The following PARD3 variants were observed in gnomAD, a reference collection of about 807,000 sequenced individuals.
PARD3 encodes partitioning defective 3 homolog.
A neutral mutation model predicts 155.4 loss-of-function variants in PARD3; 75 were observed. That is an observed-to-expected ratio of 0.48 (90% CI 0.40 to 0.58). The LOEUF (loss-of-function observed/expected upper bound fraction) is 0.58, where lower values mean the gene tolerates loss of function less well. Among genes scored for constraint, PARD3 ranks in the 20% least tolerant of loss-of-function variants. The probability of loss-of-function intolerance (pLI) is 0.00; values close to 1 mark genes in which losing one functional copy is unlikely to be tolerated. For missense variants in PARD3, 1,642 were observed against 1,721.7 expected (o/e 0.95, Z 0.82); for synonymous variants, 576 against 610.5 (o/e 0.94, Z 0.83).
In PARD3 at chr10:34,297,587, C is replaced by T. The variant is rs576909709; in HGVS notation, c.3066-13342G>A. Among the ~76,000 whole-genome samples, 4 of 152,280 alleles carry T rather than the reference C, an allele frequency of 2.6e-5. No individual in the cohort carries two copies. In the East Asian group the frequency reaches 7.7e-4, roughly 29 times the overall value. Reference sequence around the variant, plus strand: ...CTCTAGTCTACCTCAGTTTGGAAGCCCACGACCATTTCAGTGGTAGCATTT... The same window carrying T: ...CTCTAGTCTACCTCAGTTTGGAAGCTCACGACCATTTCAGTGGTAGCATTT... On this transcript the variant is annotated intron_variant, in intron 20 of 24. Coordinates refer to ENST00000374788, the MANE Select transcript of PARD3 (RefSeq NM_001184785.2).
At position 34,301,156 on chromosome 10, in the gene PARD3, A is replaced by G. The variant is rs553757139; in HGVS notation, c.3065+15951T>C. On this transcript the variant is annotated intron_variant, in intron 20 of 24. Transcript: ENST00000374788. ...AAAACAGGGATATGCGATGTTCTCAACTTGAACAAGCATTAGCATCAGAGA... is the reference window on the plus strand; with the variant it reads ...AAAACAGGGATATGCGATGTTCTCAGCTTGAACAAGCATTAGCATCAGAGA... Among the ~76,000 whole-genome samples the G allele has an allele frequency of 3.3e-5, 5 of 152,294 alleles. No homozygotes were observed. In the East Asian group the frequency reaches 9.7e-4, roughly 29 times the overall value.
intron 2 of PARD3, among the ~76,000 whole-genome samples, chr10:34,591,716 G>C (rs2088704525): frequency 6.6e-6 from 1 of 152,164 alleles, no homozygotes; most frequent in African/African-American, 2.4e-5. Context: ...GAAGTCGCTG[G>C]TCTCAAGGAG....
chr10:34,205,208 T>C (rs1951413262), intron 22 of PARD3, among the ~76,000 whole-genome samples: 1 of 152,228 alleles, frequency 6.6e-6, no homozygotes, highest in African/African-American at 2.4e-5. Context: ...AGACATCTGA[T>C]GCTGAGGTCA....
intron 2 of PARD3, among the ~76,000 whole-genome samples, chr10:34,549,075 T>C (rs2084333806): frequency 6.6e-6 from 1 of 152,218 alleles, no homozygotes; most frequent in African/African-American, 2.4e-5. Flanking sequence ...TTGTAGCCGA[T>C]ATTTTCGCAA....
At chr10:34,517,748 A>G (rs2081879910) in intron 2 of PARD3, among the ~76,000 whole-genome samples, 2 of 152,164 alleles carry the variant, frequency 1.3e-5, no homozygotes, top group African/African-American at 4.8e-5. Context: ...AAAGAGTGCA[A>G]ATATGTTTGA....
At chr10:34,751,543 C>T (rs1256600533) in intron 1 of PARD3, among the ~76,000 whole-genome samples, 1 of 152,150 alleles carries the variant, frequency 6.6e-6, no homozygotes, top group Non-Finnish European at 1.5e-5. Context: ...AGTGTATCAG[C>T]CCTGGGTCTG....
chr10:34,247,121 T>C (rs593992), intron 22 of PARD3, among the ~76,000 whole-genome samples: 26,015 of 150,990 alleles, frequency 0.17, 6,163 homozygotes, highest in African/African-American at 0.54. Flanking sequence ...TAATACAAAA[T>C]GTATAATGTC....
intron 4 of PARD3, among the ~76,000 whole-genome samples, chr10:34,453,060 A>C (rs2132828984): frequency 6.6e-6 from 1 of 152,334 alleles, no homozygotes; most frequent in Non-Finnish European, 1.5e-5. Context: ...TTTCTGGCAC[A>C]GGAGTTTCCT....
chr10:34,140,464 C>T (rs1322038094), intron 22 of PARD3, among the ~76,000 whole-genome samples: 1 of 152,122 alleles, frequency 6.6e-6, no homozygotes, highest in Non-Finnish European at 1.5e-5. Context: ...GTATTAATCG[C>T]TAAATTAAGA....
chr10:34,540,158 A>G (rs918353615), intron 2 of PARD3, among the ~76,000 whole-genome samples: 1 of 152,098 alleles, frequency 6.6e-6, no homozygotes, highest in African/African-American at 2.4e-5. Context: ...GCTTCCCAGG[A>G]CATTCAATTA....
intron 22 of PARD3, among the ~76,000 whole-genome samples, chr10:34,151,417 T>G (rs942368769): frequency 4.4e-5 from 6 of 135,662 alleles, no homozygotes; most frequent in Non-Finnish European, 7.5e-5. Flanking sequence ...AGAAGAGAGG[T>G]TTTTTTTTAA....
chr10:34,571,374 A>C, intron 2 of PARD3, among the ~76,000 whole-genome samples: 1 of 152,340 alleles, frequency 6.6e-6, no homozygotes, highest in East Asian at 1.9e-4. Context: ...CAAAGATTTT[A>C]TATTTAGAAT....
chr10:34,679,736 A>C (rs1202374502), intron 2 of PARD3, among the ~76,000 whole-genome samples: 1 of 152,152 alleles, frequency 6.6e-6, no homozygotes, highest in Non-Finnish European at 1.5e-5. Context: ...CTCAGGTCTC[A>C]CTGAACTGAA....
intron 16 of PARD3, 92 bp downstream of exon 16, chr10:34,341,535 A>G: frequency 1.1e-6 from 1 of 944,752 alleles, no homozygotes; most frequent in East Asian, 2.5e-5. Flanking sequence ...AGCTATTAAA[A>G]AAATGATTAA....
At chr10:34,431,740 CAAAAAAAAAAAAAAAA>C (rs57001926) in intron 5 of PARD3, among the ~76,000 whole-genome samples, 1 of 25,180 alleles carries the variant, frequency 4.0e-5, no homozygotes, top group African/African-American at 1.4e-4. Flanking sequence ...AACTCTGTCT[CAAAAAAAAAAAAAAAA>C]AAAAAAAAAA....
chr10:34,224,364 C>T (rs1952479037), intron 22 of PARD3, among the ~76,000 whole-genome samples: 1 of 152,196 alleles, frequency 6.6e-6, no homozygotes, highest in Non-Finnish European at 1.5e-5. Context: ...CTTCTTTCAT[C>T]AGTGTTTTAA....
At position 34,672,907 on chromosome 10, in the gene PARD3, A is replaced by C. The variant is rs573710585; in HGVS notation, c.222+23411T>G. Among the ~76,000 whole-genome samples the C allele has an allele frequency of 1.7e-4, 26 of 152,224 alleles. No individual in the cohort carries two copies. In the South Asian group the frequency reaches 5.4e-3, roughly 32 times the overall value. Reference sequence around the variant, plus strand: ...TGTGGAATACGGGTAAAACTTAAAGACCTTGTCTTGCTTGATTCTTTCTTG... The same window carrying C: ...TGTGGAATACGGGTAAAACTTAAAGCCCTTGTCTTGCTTGATTCTTTCTTG... On this transcript the variant is annotated intron_variant, in intron 2 of 24. Transcript: ENST00000374788.
intron 22 of PARD3, among the ~76,000 whole-genome samples, chr10:34,143,587 A>G (rs1184279334): frequency 6.6e-6 from 1 of 152,202 alleles, no homozygotes; most frequent in African/African-American, 2.4e-5. Context: ...AAACTAAGCT[A>G]TGTTTTTTTA....
At chr10:34,140,555 G>T (rs142128582) in intron 22 of PARD3, among the ~76,000 whole-genome samples, 1 of 152,176 alleles carries the variant, frequency 6.6e-6, no homozygotes, top group African/African-American at 2.4e-5. Context: ...GGCCAAGCTG[G>T]CTAAAAAGAC....
Sources: gnomAD v4.1 joint callset for allele counts (sites outside exome capture counted in the v4.1 genomes callset) on GRCh38, gnomAD v4.1.1 for gene constraint, MANE v1.5 for transcripts, NCBI Gene and HGNC (gene_info 2026-07-23, HGNC 2026-07-21) for gene names.